ADCY5: variants seen among roughly 807,000 people sequenced by gnomAD.
ADCY5 encodes adenylate cyclase type 5.
A neutral mutation model predicts 119.7 loss-of-function variants in ADCY5; 30 were observed. That is an observed-to-expected ratio of 0.25 (90% CI 0.19 to 0.34). The LOEUF is 0.34. Ranked by LOEUF, ADCY5 falls within the 10% of genes least tolerant of loss-of-function variation. ADCY5 has a pLI of 1.00. For missense variants in ADCY5, 1,324 were observed against 1,775.2 expected (o/e 0.75, Z 4.57); for synonymous variants, 753 against 762.2 (o/e 0.99, Z 0.20).
intron 1 of ADCY5, among the ~76,000 whole-genome samples, chr3:123,426,753 C>A (rs1303370031): frequency 1.3e-5 from 2 of 152,098 alleles, no homozygotes; most frequent in Admixed American, 6.5e-5. Flanking sequence ...GCGCAAGGAG[C>A]CTGTAGGAGT....
intron 19 of ADCY5, among the ~76,000 whole-genome samples, chr3:123,288,535 G>A (rs191002452): frequency 3.3e-5 from 5 of 152,176 alleles, no homozygotes; most frequent in East Asian, 1.9e-4. Context: ...GTACACCCTC[G>A]GTAAGACCTA....
At chr3:123,295,710 T>C (rs953869684) in intron 17 of ADCY5, among the ~76,000 whole-genome samples, 1 of 152,120 alleles carries the variant, frequency 6.6e-6, no homozygotes, top group African/African-American at 2.4e-5. Flanking sequence ...CCGTCCCAGA[T>C]GCCTTGCTGC....
chr3:123,421,669 T>C (rs1320095616), intron 1 of ADCY5, among the ~76,000 whole-genome samples: 1 of 152,094 alleles, frequency 6.6e-6, no homozygotes, highest in Admixed American at 6.6e-5. Flanking sequence ...GTAAAGGGCA[T>C]GGGGGCACAG....
intron 1 of ADCY5, among the ~76,000 whole-genome samples, chr3:123,431,785 T>A (rs1044794820): frequency 6.6e-6 from 1 of 152,212 alleles, no homozygotes; most frequent in Non-Finnish European, 1.5e-5. Flanking sequence ...GCAATCATTT[T>A]TAGTGGCCAT....
chr3:123,366,400 G>C (rs576881612), intron 1 of ADCY5, among the ~76,000 whole-genome samples: 158 of 152,306 alleles, frequency 1.0e-3, no homozygotes, highest in African/African-American at 3.6e-3. Context: ...ATTCCCAAAG[G>C]CTCAGATTCA....
At chr3:123,368,367 G>A (rs1333484701) in intron 1 of ADCY5, among the ~76,000 whole-genome samples, 8 of 152,192 alleles carry the variant, frequency 5.3e-5, no homozygotes, top group Admixed American at 2.6e-4. Context: ...AGGCCAAGAC[G>A]GGTGGGTCAC....
Position 123,283,672 on chromosome 3 carries a change from A to G in ADCY5, c.*936T>C, listed in dbSNP as rs1938526563. On this transcript the variant is annotated 3_prime_UTR_variant, in exon 21 of 21. Coordinates refer to ENST00000462833, the MANE Select transcript of ADCY5 (RefSeq NM_183357.3). ...AGTTCCACAGCATGAACACACACAC[A>G]TATACACCAGTACATACACCGACAT... is the stretch of plus-strand genomic sequence containing the variant. 6.6e-6 allele frequency: 1 copy of G among 152,198 alleles called. No homozygotes were observed. 9.4% of individuals were successfully genotyped at this position (152,198 alleles called of 1,614,324 possible). A position where few individuals can be genotyped will look rare whatever the true frequency, so the allele number is the denominator to read the frequency against.
Position 123,448,029 on chromosome 3 carries a change from G to C in ADCY5, c.517C>G (p.Leu173Val), listed in dbSNP as rs774205173. ...RRGKGRAADE[L>V]EAGAVEGGEG... Reference sequence around the variant, plus strand: ...CCGCCCTCGACGGCGCCGGCCTCCAGCTCGTCGGCCGCGCGCCCCTTGCCC... The same window carrying C: ...CCGCCCTCGACGGCGCCGGCCTCCACCTCGTCGGCCGCGCGCCCCTTGCCC... The change falls in exon 1 of 21, where the codon CTG becomes GTG. Residue 173 changes from leucine to valine, a missense_variant. Transcript: ENST00000462833. 3 of 1,256,792 alleles carry C rather than the reference G, an allele frequency of 2.4e-6. No individual in the cohort carries two copies. Among genetic ancestry groups the C allele is most frequent in the Non-Finnish European group, 2.0e-6 (2 of 1,003,800 alleles). 77.9% of individuals were successfully genotyped at this position (1,256,792 alleles called of 1,614,324 possible).
At chr3:123,416,087 A>G in intron 1 of ADCY5, 2 of 1,373,034 alleles carry the variant, frequency 1.5e-6, no homozygotes, top group Non-Finnish European at 9.9e-7. Context: ...TACAGGCCCC[A>G]GGTGAGGTGT....
intron 12 of ADCY5, among the ~76,000 whole-genome samples, chr3:123,308,000 C>T (rs1559793443): frequency 6.7e-6 from 1 of 148,758 alleles, no homozygotes; most frequent in Non-Finnish European, 1.5e-5. Flanking sequence ...AGCCAACTTC[C>T]TCCATGCTCT....
intron 1 of ADCY5, among the ~76,000 whole-genome samples, chr3:123,409,705 T>A (rs546367778): frequency 2.6e-5 from 4 of 152,142 alleles, no homozygotes; most frequent in Non-Finnish European, 5.9e-5. Flanking sequence ...CAGCAAGCTC[T>A]CCAGGAGGTT....
rs761753636 is a variant in ADCY5 at position 123,300,230 on chromosome 3, G to A, written c.2790C>T (p.Ile930=). The A allele has an allele frequency of 5.0e-6, 8 of 1,613,636 alleles. No individual in the cohort carries two copies. Among genetic ancestry groups the A allele is most frequent in the South Asian group, 3.3e-5 (3 of 91,092 alleles). The change falls in exon 15 of 21, where the codon ATC becomes ATT. Residue 930 remains isoleucine, a synonymous_variant. Transcript: ENST00000462833. The part of the protein sequence containing the change: ...ACSVFLQISC[I]GKLVLMLAIE... Reference sequence around the variant, plus strand: ...TGGCCAGCATGAGCACCAGCTTCCCGATGCAGCTGATCTGCAGGAACACGG... The same window carrying A: ...TGGCCAGCATGAGCACCAGCTTCCCAATGCAGCTGATCTGCAGGAACACGG...
chr3:123,315,272 A>G (rs1940851635), intron 11 of ADCY5, among the ~76,000 whole-genome samples: 2 of 152,222 alleles, frequency 1.3e-5, no homozygotes, highest in African/African-American at 4.8e-5. Context: ...GCCTCCACAA[A>G]AGCCCGGCAC....
intron 3 of ADCY5, among the ~76,000 whole-genome samples, chr3:123,341,857 G>T (rs1942296461): frequency 6.6e-6 from 1 of 151,904 alleles, no homozygotes; most frequent in African/African-American, 2.4e-5. Flanking sequence ...GTAAATGTTT[G>T]TGGAATGACT....
At chr3:123,317,497 G>C (rs1304346355) in intron 11 of ADCY5, among the ~76,000 whole-genome samples, 2 of 152,100 alleles carry the variant, frequency 1.3e-5, no homozygotes, top group African/African-American at 4.8e-5. Context: ...CACTTTGGGA[G>C]GCCAAGGCGG....
In ADCY5 at chr3:123,352,539, C is replaced by T; in HGVS notation, c.1177G>A (p.Gly393Ser). Residue 393 changes from glycine (G) to serine (S), a missense_variant, in exon 2 of 21, where the codon GGT becomes AGT. By Grantham distance (56) the Gly-to-Ser change is moderately conservative (BLOSUM62 0). Coordinates refer to ENST00000462833, the MANE Select transcript of ADCY5 (RefSeq NM_183357.3). The surrounding 1 kb of genome is among the most constrained non-coding windows in gnomAD (Gnocchi z 4.8). ...TCAGCCGGATAGTGGGTGCAGACACCCACGATGTTGGTGCAGGAGAAAATG... is the reference window on the plus strand; with the variant it reads ...TCAGCCGGATAGTGGGTGCAGACACTCACGATGTTGGTGCAGGAGAAAATG... ...VLIFSCTNIV[G>S]VCTHYPAEVS... 6.2e-7 allele frequency: 1 copy of T among 1,613,626 alleles called. No homozygotes were observed. Among genetic ancestry groups the T allele is most frequent in the Non-Finnish European group, 8.5e-7 (1 of 1,179,778 alleles).
In ADCY5 at chr3:123,439,355, C is replaced by A. The variant is rs139997755; in HGVS notation, c.1134+8057G>T. Among the ~76,000 whole-genome samples the A allele has an allele frequency of 0.018, 2,691 of 151,882 alleles. 92 individuals carry two copies. In the East Asian group the frequency reaches 0.18, roughly 10 times the overall value. ...GGGATTACAGGCATGAGCCACCGCACCCAGCCCTAAAGTGCTTTCTTTAAG... is the reference window on the plus strand; with the variant it reads ...GGGATTACAGGCATGAGCCACCGCAACCAGCCCTAAAGTGCTTTCTTTAAG... On this transcript the variant is annotated intron_variant, in intron 1 of 20. Coordinates refer to ENST00000462833, the MANE Select transcript of ADCY5 (RefSeq NM_183357.3).
At chr3:123,439,076 C>CTGTTTTTTTTTTTTTTTTT (rs1945675602) in intron 1 of ADCY5, among the ~76,000 whole-genome samples, 1 of 64,728 alleles carries the variant, frequency 1.5e-5, no homozygotes, top group East Asian at 5.1e-4. Flanking sequence ...CCCTAAAGTG[C>CTGTTTTTTTTTTTTTTTTT]TTTTTTTTTT....
At chr3:123,415,389 T>G (rs1009364622) in intron 1 of ADCY5, among the ~76,000 whole-genome samples, 2 of 152,144 alleles carry the variant, frequency 1.3e-5, no homozygotes, top group Non-Finnish European at 2.9e-5. Context: ...GGTGTCAGTG[T>G]GCCTGTGGCC....
Sources: allele counts gnomAD v4.1 joint callset (sites outside exome capture counted in the v4.1 genomes callset), GRCh38; gene constraint gnomAD v4.1.1; non-coding constraint Gnocchi (gnomAD v3.1); transcripts MANE v1.5; gene names NCBI Gene and HGNC (gene_info 2026-07-23, HGNC 2026-07-21).